The following TSPO2 variants were observed in gnomAD, a reference collection of about 807,000 sequenced individuals.
TSPO2 encodes the protein benzodiazapine receptor (peripheral)-like 1.
A neutral mutation model predicts 13.3 loss-of-function variants in TSPO2; 15 were observed. The observed-to-expected ratio is 1.13, with a 90% CI of 0.75 to 1.73. The LOEUF (loss-of-function observed/expected upper bound fraction) is 1.73. TSPO2 is among the 40% of genes most tolerant of loss of function. The pLI is 0.00. For synonymous variants in TSPO2, 81 were observed against 91.6 expected (o/e 0.88, Z 0.66); for missense variants, 202 against 198.3 (o/e 1.02, Z -0.11).
rs949772306 is a variant in TSPO2, at chr6:41,043,065, T to C, written c.80T>C (p.Met27Thr). ...ILVWLFTRDH[M>T]SGWCEGPRML... ...GTCTGGCTGTTCACTCGTGATCACA[T>C]GTCTGGTTGGTGTGAGGGCCCGAGG... The change falls in exon 2 of 4, where the codon ATG becomes ACG. Residue 27 changes from methionine to threonine, a missense_variant. Physicochemically the swap from Met to Thr is moderately conservative, Grantham distance 81. Transcript: ENST00000373161. 1.5e-5 allele frequency: 25 copies of C among 1,614,018 alleles called. No individual in the cohort carries two copies. The highest frequency in any genetic ancestry group is 2.0e-5 in the Non-Finnish European group (24 of 1,180,018).
Position 41,043,056 on chromosome 6 carries a change from G to A in TSPO2, c.71G>A (p.Arg24His), listed in dbSNP as rs148297848. The A allele has an allele frequency of 8.9e-5, 143 of 1,614,126 alleles. No individual in the cohort carries two copies. In the African/African-American group the frequency reaches 1.5e-3, roughly 17 times the overall value. The change falls in exon 2 of 4, where the codon CGT becomes CAT. Residue 24 changes from arginine (R) to histidine (H), a missense_variant. By Grantham distance (29) the Arg-to-His change is conservative. Transcript: ENST00000373161. ...CCCATCCTGGTCTGGCTGTTCACTCGTGATCACATGTCTGGTTGGTGTGAG... is the reference window on the plus strand; with the variant it reads ...CCCATCCTGGTCTGGCTGTTCACTCATGATCACATGTCTGGTTGGTGTGAG... The part of the protein sequence containing the change: ...LGPILVWLFT[R>H]DHMSGWCEGP...
chr6:41,043,605 G>T lies in TSPO2; in HGVS notation c.222G>T (p.Trp74Cys). Residue 74 changes from tryptophan to cysteine, a missense_variant, in exon 3 of 4, where the codon TGG becomes TGT. Trp to Cys is a radical substitution (Grantham distance 215, BLOSUM62 -2). Coordinates refer to ENST00000373161, the MANE Select transcript of TSPO2 (RefSeq NM_001010873.3). ...VWKDLGGGLG[W>C]PLALPLGLYA... is the part of the protein sequence containing the mutation. ...AGGACCTGGGAGGGGGCTTGGGGTG[G>T]CCCCTGGCCCTGCCTCTTGGCCTCT... 3.1e-6 allele frequency: 5 copies of T among 1,612,398 alleles called. No homozygotes were observed. The highest frequency in any genetic ancestry group is 1.7e-5 in the Admixed American group (1 of 59,776).
At position 41,042,681 on chromosome 6, in the gene TSPO2, T is replaced by C. The variant is rs1762605842; in HGVS notation, c.-118T>C. 5 of 563,592 alleles carry C rather than the reference T, an allele frequency of 8.9e-6. No homozygotes were observed. Among genetic ancestry groups the C allele is most frequent in the South Asian group, 6.1e-5 (4 of 65,532 alleles). 34.9% of individuals were successfully genotyped at this position (563,592 alleles called of 1,614,324 possible). ...TCAGAAGCACTTGGAGGAAGGCCTA[T>C]TCACTTAGAAGCAGTTACCAGTGCT... On this transcript the variant is annotated 5_prime_UTR_variant, in exon 1 of 4. Coordinates refer to ENST00000373161, the MANE Select transcript of TSPO2 (RefSeq NM_001010873.3).
chr6:41,043,259 G>A (rs113049852), intron 2 of TSPO2, 101 bp downstream of exon 2: 58 of 1,382,270 alleles, frequency 4.2e-5, no homozygotes, highest in South Asian at 2.5e-4. Context: ...AAAGGTAGGC[G>A]CTTTGTCTTG....
In TSPO2 at chr6:41,042,663, C is replaced by A; in HGVS notation, c.-136C>A. The A allele has an allele frequency of 1.9e-6, 1 of 529,774 alleles. No homozygotes were observed. Among genetic ancestry groups the A allele is most frequent in the Non-Finnish European group, 3.6e-6 (1 of 275,272 alleles). 32.8% of individuals were successfully genotyped at this position (529,774 alleles called of 1,614,324 possible). On this transcript the variant is annotated 5_prime_UTR_variant, in exon 1 of 4. Coordinates refer to ENST00000373161, the MANE Select transcript of TSPO2 (RefSeq NM_001010873.3). ...GGACCTGATCTCCAGGACTCAGAAG[C>A]ACTTGGAGGAAGGCCTATTCACTTA...
Position 41,043,131 on chromosome 6 carries a change from T to C in TSPO2, c.146T>C (p.Val49Ala). 2 of 1,613,636 alleles carry C rather than the reference T, an allele frequency of 1.2e-6. No individual in the cohort carries two copies. The highest frequency in any genetic ancestry group is 1.7e-6 in the Non-Finnish European group (2 of 1,179,764). The change falls in exon 2 of 4, where the codon GTA becomes GCA. Residue 49 changes from valine (V) to alanine (A), a missense_variant. By Grantham distance (64) the Val-to-Ala change is moderately conservative (BLOSUM62 0). Transcript: ENST00000373161. The stretch of plus-strand genomic sequence containing the variant: ...CCATTCTACAAAGTCTTATTGCTTG[T>C]ACAGACAGCCATCTACTCTGTCGTG... ...WCPFYKVLLL[V>A]QTAIYSVVGY...
Position 41,042,545 on chromosome 6 carries a change from G to C in TSPO2, c.-254G>C, listed in dbSNP as rs928014561. ...CTGCCTTCAGATTGTGAACTTTCCA[G>C]GTTGGTAGATCAGCTTAGGTAGAAC... On this transcript the variant is annotated 5_prime_UTR_variant, in exon 1 of 4. Transcript: ENST00000373161. 3.1e-5 allele frequency: 11 copies of C among 355,612 alleles called. No homozygotes were observed. The highest frequency in any genetic ancestry group is 2.1e-4 in the African/African-American group (10 of 46,740). The allele number at this position is 355,612 out of a possible 1,614,324, so 22.0% of individuals were successfully genotyped here. A position where few individuals can be genotyped will look rare whatever the true frequency, so the allele number is the denominator to read the frequency against.
At position 41,044,185 on chromosome 6, in the gene TSPO2, G is replaced by C. The variant is rs371925201; in HGVS notation, c.*48G>C. On this transcript the variant is annotated 3_prime_UTR_variant, in exon 4 of 4. Transcript: ENST00000373161. ...GGGACGCCCAGGGTGGGGAGGAAGA[G>C]TCTGCAAGCAGGGCTGTGGAGTTAG... 3.7e-6 allele frequency: 6 copies of C among 1,602,412 alleles called. No homozygotes were observed. The highest frequency in any genetic ancestry group is 5.1e-6 in the Non-Finnish European group (6 of 1,171,090).
At chr6:41,043,881 C>A in intron 3 of TSPO2, 59 bp from the exon 4 acceptor site, 6 of 1,576,206 alleles carry the variant, frequency 3.8e-6, no homozygotes, top group Non-Finnish European at 5.2e-6. Context: ...CTGGGTACTG[C>A]AGAAAGGTGG....
intron 2 of TSPO2, 96 bp from the exon 3 acceptor site, chr6:41,043,461 C>T (rs1762622925): frequency 1.4e-6 from 2 of 1,465,864 alleles, no homozygotes; most frequent in African/African-American, 2.8e-5. Context: ...CCATTTCAGC[C>T]CACAAGGGTA....
Position 41,043,983 on chromosome 6 carries a change from C to T in TSPO2, c.359C>T (p.Thr120Ile). The T allele has an allele frequency of 6.2e-7, 1 of 1,614,098 alleles. No homozygotes were observed. Among genetic ancestry groups the T allele is most frequent in the Non-Finnish European group, 8.5e-7 (1 of 1,179,986 alleles). Residue 120 changes from threonine (T) to isoleucine (I), a missense_variant, in exon 4 of 4, where the codon ACA becomes ATA. By Grantham distance (89) the Thr-to-Ile change is moderately conservative. Coordinates refer to ENST00000373161, the MANE Select transcript of TSPO2 (RefSeq NM_001010873.3). ...CTGCTGTATGGGCTGGTGGTGAGCA[C>T]AGCACTGATCTGGCATCCCATCAAC... is the stretch of plus-strand genomic sequence containing the variant. ...LLLLYGLVVS[T>I]ALIWHPINKL...
intron 1 of TSPO2, 55 bp from the exon 2 acceptor site, chr6:41,042,910 AC>A: frequency 6.4e-7 from 1 of 1,565,418 alleles, no homozygotes; most frequent in Non-Finnish European, 8.8e-7. Flanking sequence ...GGAGGCAGAG[AC>A]AGACGAGGAG....
Position 41,043,080 on chromosome 6 carries a change from A to T in TSPO2, c.95A>T (p.Glu32Val). Reference sequence around the variant, plus strand: ...CGTGATCACATGTCTGGTTGGTGTGAGGGCCCGAGGATGCTGTCCTGGTGC... The same window carrying T: ...CGTGATCACATGTCTGGTTGGTGTGTGGGCCCGAGGATGCTGTCCTGGTGC... Reference protein sequence around the residue: ...FTRDHMSGWCEGPRMLSWCPF... With the variant: ...FTRDHMSGWCVGPRMLSWCPF... The change falls in exon 2 of 4, where the codon GAG becomes GTG. Residue 32 changes from glutamate (E) to valine (V), a missense_variant. By Grantham distance (121) the Glu-to-Val change is moderately radical. Transcript: ENST00000373161. The T allele has an allele frequency of 6.2e-7, 1 of 1,614,090 alleles. No homozygotes were observed. Among genetic ancestry groups the T allele is most frequent in the Non-Finnish European group, 8.5e-7 (1 of 1,180,008 alleles).
In TSPO2 at chr6:41,042,530, A is replaced by G. The variant is rs1762602231; in HGVS notation, c.-269A>G. On this transcript the variant is annotated 5_prime_UTR_variant, in exon 1 of 4. Coordinates refer to ENST00000373161, the MANE Select transcript of TSPO2 (RefSeq NM_001010873.3). Reference sequence around the variant, plus strand: ...AGGAATTTCTGGCTCCTGCCTTCAGATTGTGAACTTTCCAGGTTGGTAGAT... The same window carrying G: ...AGGAATTTCTGGCTCCTGCCTTCAGGTTGTGAACTTTCCAGGTTGGTAGAT... 1 of 350,320 alleles carries G rather than the reference A, an allele frequency of 2.9e-6. No individual in the cohort carries two copies. Among genetic ancestry groups the G allele is most frequent in the African/African-American group, 2.1e-5 (1 of 46,526 alleles). 21.7% of individuals were successfully genotyped at this position (350,320 alleles called of 1,614,324 possible).
Position 41,044,034 on chromosome 6 carries a change from C to A in TSPO2, c.410C>A (p.Pro137His). ...INKLAALLLLPYLAWLTVTSA... is the reference protein window; with the variant it reads ...INKLAALLLLHYLAWLTVTSA... ...AAACTGGCTGCCCTGTTACTGCTGCCCTACCTAGCCTGGCTCACCGTGACT... is the reference window on the plus strand; with the variant it reads ...AAACTGGCTGCCCTGTTACTGCTGCACTACCTAGCCTGGCTCACCGTGACT... The change falls in exon 4 of 4, where the codon CCC (proline) becomes CAC (histidine). Residue 137 changes from proline to histidine, a missense_variant. Transcript: ENST00000373161. 1 of 1,614,170 alleles carries A rather than the reference C, an allele frequency of 6.2e-7. No homozygotes were observed. Among genetic ancestry groups the A allele is most frequent in the South Asian group, 1.1e-5 (1 of 91,080 alleles).
At chr6:41,043,730 A>G (rs1283016704) in intron 3 of TSPO2, 32 bp downstream of exon 3, 1 of 1,573,010 alleles carries the variant, frequency 6.4e-7, no homozygotes, top group South Asian at 1.2e-5. Flanking sequence ...AGCAGAAGTA[A>G]TGTGGGAGAG....
chr6:41,043,693 G>C lies in TSPO2; in HGVS notation c.310G>C (p.Gly104Arg). The part of the protein sequence containing the change: ...LVLFFTVHNP[G>R]LALLHLLLLY... ...TCTCTTTTTCACAGTCCACAACCCTGGTCTGGTAAGGCACACAGTGCTCAG... is the reference window on the plus strand; with the variant it reads ...TCTCTTTTTCACAGTCCACAACCCTCGTCTGGTAAGGCACACAGTGCTCAG... The change falls in exon 3 of 4, where the codon GGT becomes CGT. Residue 104 changes from glycine (G) to arginine (R), a missense_variant. Gly to Arg is a moderately radical substitution (Grantham distance 125). Transcript: ENST00000373161. The C allele has an allele frequency of 6.3e-7, 1 of 1,599,650 alleles. No homozygotes were observed. The highest frequency in any genetic ancestry group is 8.5e-7 in the Non-Finnish European group (1 of 1,172,486).
upstream of TSPO2, among the ~76,000 whole-genome samples, chr6:41,042,335 G>A (rs1762599025): frequency 6.6e-6 from 1 of 152,182 alleles, no homozygotes; most frequent in South Asian, 2.1e-4. Flanking sequence ...TGGCTCCAGG[G>A]GTAGAAGAGA....
At position 41,043,933 on chromosome 6, in the gene TSPO2, T is replaced by G. The variant is rs1195542757; in HGVS notation, c.316-7T>G. ...GCAGCCAGCTGACCCCCGGCCTCTA[T>G]GCCCAGGCCCTGCTGCACCTGCTGC... On this transcript the variant is annotated splice_region_variant and splice_polypyrimidine_tract_variant and intron_variant, in intron 3 of 3. Transcript: ENST00000373161. 6.2e-7 allele frequency: 1 copy of G among 1,612,160 alleles called. No homozygotes were observed. The highest frequency in any genetic ancestry group is 8.5e-7 in the Non-Finnish European group (1 of 1,179,308).
Sources: allele counts gnomAD v4.1 joint callset (sites outside exome capture counted in the v4.1 genomes callset), GRCh38; gene constraint gnomAD v4.1.1; transcripts MANE v1.5; gene names NCBI Gene and HGNC (gene_info 2026-07-23, HGNC 2026-07-21).